DNAJC11: variants seen among roughly 807,000 people sequenced by gnomAD.
The protein encoded by DNAJC11 is dnaJ homolog subfamily C member 11.
In DNAJC11, 15 loss-of-function variants were observed where a neutral mutation model predicts 78.6. That is an observed-to-expected ratio of 0.19 (90% confidence interval 0.13 to 0.29). The LOEUF is 0.29. DNAJC11 is among the 10% of genes least tolerant of loss of function. The pLI, the probability that DNAJC11 is intolerant of heterozygous loss-of-function variation, is 1.00. For missense variants in DNAJC11, 547 were observed against 709.6 expected, an observed-to-expected ratio of 0.77 and a Z score of 2.60; for synonymous variants, 292 against 272.1, an observed-to-expected ratio of 1.07 and a Z score of -0.72.
chr1:6,680,870 T>C lies in DNAJC11; in HGVS notation c.202+38A>G, dbSNP rs556801020. The C allele has an allele frequency of 1.2e-6, 2 of 1,604,764 alleles. No individual in the cohort carries two copies. Among genetic ancestry groups the C allele is most frequent in the South Asian group, 2.2e-5 (2 of 90,456 alleles). ...CACCTCCTAAAAATCGAATATCTGTTACCAGGATGTTTCTACAAAGTCCGG... is the reference window on the plus strand; with the variant it reads ...CACCTCCTAAAAATCGAATATCTGTCACCAGGATGTTTCTACAAAGTCCGG... On this transcript the variant is annotated intron_variant, in intron 2 of 15. Transcript: ENST00000377577. The surrounding 1 kb of genome is among the most constrained non-coding windows in gnomAD (Gnocchi z 4.0).
chr1:6,673,746 C>T (rs1004893515), intron 3 of DNAJC11, among the ~76,000 whole-genome samples: 6 of 152,162 alleles, frequency 3.9e-5, no homozygotes, highest in Non-Finnish European at 5.9e-5. Flanking sequence ...ATCCAAGATT[C>T]CACGTTGCAT....
At chr1:6,665,205 C>T (rs919124623) in intron 4 of DNAJC11, among the ~76,000 whole-genome samples, 4 of 152,150 alleles carry the variant, frequency 2.6e-5, no homozygotes, top group Non-Finnish European at 4.4e-5. Context: ...GTAGCCTGGA[C>T]TACAGGTATG....
intron 1 of DNAJC11, among the ~76,000 whole-genome samples, chr1:6,685,461 T>C (rs1046766538): frequency 3.3e-5 from 5 of 152,182 alleles, no homozygotes; most frequent in Non-Finnish European, 5.9e-5. Context: ...GATCCTGACA[T>C]ACCTAAATTT....
At chr1:6,652,036 G>C (rs1642064531) in intron 6 of DNAJC11, among the ~76,000 whole-genome samples, 1 of 152,074 alleles carries the variant, frequency 6.6e-6, no homozygotes, top group Non-Finnish European at 1.5e-5. Context: ...TGTCTCCCAG[G>C]TCACTGGGGC....
chr1:6,648,734 G>A (rs1416412038), intron 7 of DNAJC11, among the ~76,000 whole-genome samples: 2 of 152,196 alleles, frequency 1.3e-5, no homozygotes, highest in African/African-American at 4.8e-5. Context: ...GGGATTACAA[G>A]CATGAGCCAC....
In DNAJC11 at chr1:6,650,400, T is replaced by TA. The variant is rs201107744; in HGVS notation, c.704+1128dup. Among the ~76,000 whole-genome samples, 15 of 151,906 alleles carry TA rather than the reference T, an allele frequency of 9.9e-5. No individual in the cohort carries two copies. The South Asian group carries it at 2.3e-3, about 23-fold the overall frequency. On this transcript the variant is annotated intron_variant, in intron 7 of 15. Transcript: ENST00000377577. ...AGGCAACATAGAGATAACTTATCCCTAAAAAAAACTAAACAATGAGCCAGG... is the reference window on the plus strand; with the variant it reads ...AGGCAACATAGAGATAACTTATCCCTAAAAAAAAACTAAACAATGAGCCAGG...
chr1:6,644,418 G>C, intron 10 of DNAJC11, 140 bp downstream of exon 10: 2 of 698,266 alleles, frequency 2.9e-6, no homozygotes, highest in Admixed American at 2.1e-5. Context: ...ACAGGCATAA[G>C]CCACTGCACC....
At chr1:6,698,488 C>A (rs1182550050) in intron 1 of DNAJC11, among the ~76,000 whole-genome samples, 2 of 152,066 alleles carry the variant, frequency 1.3e-5, no homozygotes, top group Admixed American at 1.3e-4. Flanking sequence ...CACACCACAC[C>A]TGAGTATGAC....
At chr1:6,643,387 T>C (rs770808590) in intron 10 of DNAJC11, among the ~76,000 whole-genome samples, 66 of 151,434 alleles carry the variant, frequency 4.4e-4, no homozygotes, top group Non-Finnish European at 8.5e-4. Context: ...ACCATTCTCC[T>C]GCCTCAGCCT....
At chr1:6,636,590 G>C (rs1398407109) in intron 14 of DNAJC11, among the ~76,000 whole-genome samples, 1 of 152,160 alleles carries the variant, frequency 6.6e-6, no homozygotes, top group Non-Finnish European at 1.5e-5. Context: ...GATCTTTCTG[G>C]AATGAGGCAA....
intron 4 of DNAJC11, among the ~76,000 whole-genome samples, chr1:6,658,782 T>A (rs1642167510): frequency 6.6e-6 from 1 of 152,206 alleles, no homozygotes; most frequent in Non-Finnish European, 1.5e-5. Context: ...CCTCAGCTGC[T>A]TCTCCCTTGG....
intron 1 of DNAJC11, among the ~76,000 whole-genome samples, chr1:6,698,536 T>C (rs888693003): frequency 1.3e-5 from 2 of 151,758 alleles, no homozygotes; most frequent in African/African-American, 2.4e-5. Flanking sequence ...CAACAGAAAG[T>C]GACTTCTGCA....
At chr1:6,693,881 C>G (rs1355904097) in intron 1 of DNAJC11, among the ~76,000 whole-genome samples, 1 of 148,888 alleles carries the variant, frequency 6.7e-6, no homozygotes, top group African/African-American at 2.5e-5. Flanking sequence ...GCTCTGTTGC[C>G]CAGGCTGGAG....
chr1:6,654,390 C>T (rs780940976), intron 4 of DNAJC11: 1 of 168,888 alleles, frequency 5.9e-6, no homozygotes. Flanking sequence ...ATGCACAAAA[C>T]CACCTAGAAA....
intron 4 of DNAJC11, among the ~76,000 whole-genome samples, chr1:6,662,099 A>C (rs1417884242): frequency 2.7e-4 from 40 of 146,050 alleles, no homozygotes; most frequent in African/African-American, 9.7e-4. Flanking sequence ...CTACAGGAGC[A>C]CGCCACCATG....
At chr1:6,681,127 C>T in intron 1 of DNAJC11, 90 bp from the exon 2 acceptor site, 1 of 1,375,732 alleles carries the variant, frequency 7.3e-7, no homozygotes, top group Non-Finnish European at 9.9e-7. Flanking sequence ...AACCCATCAG[C>T]CACGTCCCAA....
intron 1 of DNAJC11, among the ~76,000 whole-genome samples, chr1:6,689,724 T>TGAGATTG (rs1642714894): frequency 6.7e-6 from 1 of 150,120 alleles, no homozygotes; most frequent in African/African-American, 2.5e-5. Context: ...TGTGGTGAGC[T>TGAGATTG]GAGATTGCAC....
chr1:6,662,255 G>A (rs987756371), intron 4 of DNAJC11, among the ~76,000 whole-genome samples: 8 of 151,394 alleles, frequency 5.3e-5, no homozygotes, highest in Admixed American at 4.0e-4. Context: ...GTGCAGTGGC[G>A]CGATCTCGGC....
At chr1:6,691,246 G>GA (rs905235502) in intron 1 of DNAJC11, among the ~76,000 whole-genome samples, 31 of 149,682 alleles carry the variant, frequency 2.1e-4, no homozygotes, top group Admixed American at 1.2e-3. Context: ...GGCAGAGAAG[G>GA]AATCAGGTCT....
Sources: gnomAD v4.1 joint callset for allele counts (sites outside exome capture counted in the v4.1 genomes callset) on GRCh38, gnomAD v4.1.1 for gene constraint, Gnocchi (gnomAD v3.1) non-coding constraint, MANE v1.5 for transcripts, NCBI Gene and HGNC (gene_info 2026-07-23, HGNC 2026-07-21) for gene names.